EMSY: variants seen among roughly 807,000 people sequenced by gnomAD.
The protein encoded by EMSY is BRCA2-interacting transcriptional repressor EMSY.
A neutral mutation model predicts 134.6 loss-of-function variants in EMSY; 26 were observed. The observed-to-expected ratio is 0.19, with a 90% CI of 0.14 to 0.27. The LOEUF is 0.27. Among genes scored for constraint, EMSY ranks in the 10% least tolerant of loss-of-function variants. The pLI is 1.00. For synonymous variants in EMSY, 579 were observed against 577.8 expected (o/e 1.00, Z -0.03); for missense variants, 1,305 against 1,611.4 (o/e 0.81, Z 3.26).
At chr11:76,482,175 A>C (rs1280577740) in intron 8 of EMSY, among the ~76,000 whole-genome samples, 1 of 152,190 alleles carries the variant, frequency 6.6e-6, no homozygotes, top group East Asian at 1.9e-4. Flanking sequence ...TTAGAAGGAA[A>C]ACTAACAAGC....
At chr11:76,513,264 A>G in intron 9 of EMSY, 122 bp from the exon 11 acceptor site, 1 of 781,426 alleles carries the variant, frequency 1.3e-6, no homozygotes. Flanking sequence ...CATCAGTATT[A>G]AAAAAAACTT....
At chr11:76,497,613 T>C (rs1430470901) in intron 9 of EMSY, among the ~76,000 whole-genome samples, 3 of 152,170 alleles carry the variant, frequency 2.0e-5, no homozygotes, top group African/African-American at 4.8e-5. Context: ...TTCTTCTAAG[T>C]TGTCAAATTT....
chr11:76,472,291 C>T (rs1948603217), intron 7 of EMSY, among the ~76,000 whole-genome samples: 1 of 151,014 alleles, frequency 6.6e-6, no homozygotes, highest in Non-Finnish European at 1.5e-5. Context: ...TTTATACTCC[C>T]TAAGTAGTAT....
At chr11:76,550,189 A>G in exon 21 of EMSY, 1 of 1,478,048 alleles carries the variant, frequency 6.8e-7, no homozygotes, top group Non-Finnish European at 9.0e-7. Context: ...CTTGGTTACC[A>G]AGTGTCCAGG....
intron 8 of EMSY, among the ~76,000 whole-genome samples, chr11:76,481,861 GAGC>G (rs1180243998): frequency 6.6e-6 from 1 of 152,206 alleles, no homozygotes; most frequent in African/African-American, 2.4e-5. Context: ...GCTCTGAAGA[GAGC>G]AGCAGATCTC....
chr11:76,448,299 G>A (rs1947505093), intron 2 of EMSY, among the ~76,000 whole-genome samples: 1 of 151,392 alleles, frequency 6.6e-6, no homozygotes. Flanking sequence ...TAAGAGAGTT[G>A]TTTTTGGAGA....
chr11:76,513,120 C>G (rs1333058254), intron 9 of EMSY, among the ~76,000 whole-genome samples: 1 of 152,068 alleles, frequency 6.6e-6, no homozygotes, highest in Non-Finnish European at 1.5e-5. Context: ...TTTGAAAGCT[C>G]TTGTATAACA....
chr11:76,454,895 TG>T, intron 4 of EMSY, 105 bp downstream of exon 5: 1 of 858,066 alleles, frequency 1.2e-6, no homozygotes, highest in South Asian at 1.9e-5. Flanking sequence ...GAATTAACCA[TG>T]CCCCTTGCTT....
At chr11:76,448,040 T>C (rs140200988) in intron 2 of EMSY, among the ~76,000 whole-genome samples, 1 of 152,302 alleles carries the variant, frequency 6.6e-6, no homozygotes, top group East Asian at 1.9e-4. Flanking sequence ...AAGTTATTTA[T>C]TCTTCCTAAA....
intron 6 of EMSY, among the ~76,000 whole-genome samples, chr11:76,461,953 C>A (rs1590799401): frequency 7.0e-6 from 1 of 142,288 alleles, no homozygotes; most frequent in African/African-American, 2.6e-5. Flanking sequence ...AAGAAAACAC[C>A]AGGCCAGGCA....
chr11:76,489,315 CTTTT>C (rs57048007), intron 8 of EMSY, among the ~76,000 whole-genome samples: 6 of 128,140 alleles, frequency 4.7e-5, no homozygotes, highest in Admixed American at 7.7e-5. Context: ...TTCTTGTTTT[CTTTT>C]TTTTTTTTTT....
At chr11:76,521,174 T>C (rs552215714) in intron 11 of EMSY, among the ~76,000 whole-genome samples, 1 of 152,210 alleles carries the variant, frequency 6.6e-6, no homozygotes, top group Non-Finnish European at 1.5e-5. Context: ...AGTTACTTCT[T>C]AGATCAAAGT....
chr11:76,446,899 G>C lies in EMSY; in HGVS notation c.-39-1G>C, dbSNP rs1311234551. 1 of 1,592,764 alleles carries C rather than the reference G, an allele frequency of 6.3e-7. No homozygotes were observed. Among genetic ancestry groups the C allele is most frequent in the South Asian group, 1.1e-5 (1 of 88,302 alleles). ...TTGACTTTTTTTTTTTGTTCTGGTAGGGAGGACAAGCTCTTTGGGGCTACC... is the reference window on the plus strand; with the variant it reads ...TTGACTTTTTTTTTTTGTTCTGGTACGGAGGACAAGCTCTTTGGGGCTACC... On this transcript the variant is annotated splice_acceptor_variant, in intron 1 of 20. Transcript: ENST00000334736. LOFTEE classifies it low-confidence loss of function (5UTR_SPLICE).
chr11:76,546,072 A>G (rs1376551278), exon 20 of EMSY: 1 of 1,614,214 alleles, frequency 6.2e-7, no homozygotes, highest in Non-Finnish European at 8.5e-7. Flanking sequence ...TCACTGGTGA[A>G]GCAGGATCAT....
intron 17 of EMSY, among the ~76,000 whole-genome samples, chr11:76,541,265 A>T (rs1951429396): frequency 2.0e-5 from 3 of 152,212 alleles, no homozygotes. Context: ...TGAAGCTGGT[A>T]AAATTTGATA....
At chr11:76,479,239 G>C (rs1757365373) in intron 8 of EMSY, among the ~76,000 whole-genome samples, 1 of 152,198 alleles carries the variant, frequency 6.6e-6, no homozygotes, top group African/African-American at 2.4e-5. Context: ...CTGAGTGCCA[G>C]CTGATGCCAC....
chr11:76,546,864 G>A (rs1056966628), intron 20 of EMSY, among the ~76,000 whole-genome samples: 7 of 152,176 alleles, frequency 4.6e-5, no homozygotes, highest in African/African-American at 1.7e-4. Context: ...GACTAACCAT[G>A]AACTTTACTG....
intron 7 of EMSY, among the ~76,000 whole-genome samples, chr11:76,464,583 T>C (rs1318343521): frequency 6.6e-6 from 1 of 152,212 alleles, no homozygotes; most frequent in African/African-American, 2.4e-5. Flanking sequence ...GTCATTATTA[T>C]TTTGTCAGTT....
At chr11:76,468,009 C>T (rs1354915739) in intron 7 of EMSY, among the ~76,000 whole-genome samples, 1 of 149,740 alleles carries the variant, frequency 6.7e-6, no homozygotes, top group Non-Finnish European at 1.5e-5. Flanking sequence ...AAAAACTTAA[C>T]GTAGTACATA....
Sources: gnomAD v4.1 joint callset for allele counts (sites outside exome capture counted in the v4.1 genomes callset) on GRCh38, gnomAD v4.1.1 for gene constraint, MANE v1.5 for transcripts, NCBI Gene and HGNC (gene_info 2026-07-23, HGNC 2026-07-21) for gene names.